KCP: variants seen among roughly 807,000 people sequenced by gnomAD.
KCP encodes the protein kielin cysteine rich BMP regulator, also known as kielin/chordin-like protein.
KCP carries 194 observed loss-of-function variants against 212.7 expected under a neutral mutation model. The ratio of observed to expected loss-of-function variants is 0.91; its 90% CI spans 0.81 to 1.03. KCP has a LOEUF of 1.03. Among genes scored for constraint, KCP ranks in the 50% least tolerant of loss-of-function variants. The pLI is 0.00. For missense variants in KCP, 2,080 were observed against 2,162.5 expected (o/e 0.96, Z 0.76); for synonymous variants, 833 against 865.3 (o/e 0.96, Z 0.65).
At chr7:128,878,513 G>T in intron 38 of KCP, 45 bp downstream of exon 38, 1 of 1,516,750 alleles carries the variant, frequency 6.6e-7, no homozygotes, top group Non-Finnish European at 8.9e-7. Context: ...CTCATGCTCA[G>T]CTGCGTCTCC....
In KCP at chr7:128,891,265, T is replaced by G; in HGVS notation, c.1892A>C (p.Gln631Pro). ...CGGCACGCAGCGGCGGGCCAGGCAC[T>G]GCACGTTGCCGCTCTACGGACCGAC... The part of the protein sequence containing the change: ...RLCRCLSGNV[Q>P]CLARRCVPLP... The change falls in exon 19 of 40, where the codon CAG becomes CCG. Residue 631 changes from glutamine to proline, a missense_variant. Coordinates refer to ENST00000610776, the MANE Select transcript of KCP (RefSeq NM_001366122.1). 1 of 1,547,252 alleles carries G rather than the reference T, an allele frequency of 6.5e-7. No homozygotes were observed. Among genetic ancestry groups the G allele is most frequent in the Non-Finnish European group, 8.7e-7 (1 of 1,146,682 alleles).
rs1415816255 is a variant in KCP, at chr7:128,893,999, G to A, written c.982C>T (p.Pro328Ser). Reference sequence around the variant, plus strand: ...ACAGCACAGCGGCAGTGCGAGCAGGGGTCCCCTGAGCCCACAGGCTCCCCG... The same window carrying A: ...ACAGCACAGCGGCAGTGCGAGCAGGAGTCCCCTGAGCCCACAGGCTCCCCG... ...RSGEPVGSGDPCSHCRCANGS... is the reference protein window; with the variant it reads ...RSGEPVGSGDSCSHCRCANGS... Residue 328 changes from proline (P) to serine (S), a missense_variant, in exon 10 of 40, where the codon CCC becomes TCC. By Grantham distance (74) the Pro-to-Ser change is moderately conservative. Coordinates refer to ENST00000610776, the MANE Select transcript of KCP (RefSeq NM_001366122.1). 6.5e-7 allele frequency: 1 copy of A among 1,550,088 alleles called. No individual in the cohort carries two copies. Among genetic ancestry groups the A allele is most frequent in the African/African-American group, 1.4e-5 (1 of 73,042 alleles).
In KCP at chr7:128,902,857, A is replaced by G. The variant is rs1298913923; in HGVS notation, c.751T>C (p.Cys251Arg). The G allele has an allele frequency of 1.9e-6, 3 of 1,551,224 alleles. No individual in the cohort carries two copies. The highest frequency in any genetic ancestry group is 4.9e-5 in the East Asian group (2 of 40,918). The change falls in exon 8 of 40, where the codon TGC becomes CGC. Residue 251 changes from cysteine (C) to arginine (R), a missense_variant and splice_region_variant. By Grantham distance (180) the Cys-to-Arg change is radical (BLOSUM62 -3). Transcript: ENST00000610776. ...PGHCCPTCQG[C>R]TEGGSHWEHG... ...TCCCAGTGAGAGCCACCTTCTGTGC[A>G]GCCTAGGGTTGAGGGGTTGAGAAGA...
chr7:128,888,763 G>C (rs1335413920), intron 22 of KCP, 100 bp downstream of exon 22: 1 of 1,138,998 alleles, frequency 8.8e-7, no homozygotes, highest in Non-Finnish European at 1.2e-6. Flanking sequence ...AAGTATGGTG[G>C]AGCGGCAGGC....
chr7:128,890,528 A>C lies in KCP; in HGVS notation c.2165-15T>G. On this transcript the variant is annotated splice_polypyrimidine_tract_variant and intron_variant, in intron 20 of 39. Transcript: ENST00000610776. The stretch of plus-strand genomic sequence containing the variant: ...GTACAGGCAGCCTGGGGAGAAGGGC[A>C]GGGGCTGGGGGGCCGTGGGGACTAG... 1 of 1,458,710 alleles carries C rather than the reference A, an allele frequency of 6.9e-7. No individual in the cohort carries two copies. The highest frequency in any genetic ancestry group is 9.1e-7 in the Non-Finnish European group (1 of 1,093,712). The allele number at this position is 1,458,710 out of a possible 1,614,324, so 90.4% of individuals were successfully genotyped here.
chr7:128,888,265 GAC>G (rs1793835243), intron 22 of KCP, among the ~76,000 whole-genome samples: 2 of 131,048 alleles, frequency 1.5e-5, no homozygotes, highest in African/African-American at 5.9e-5. Flanking sequence ...CACGTACACA[GAC>G]ACACATACAC....
chr7:128,897,821 A>G (rs1167875930), intron 8 of KCP, among the ~76,000 whole-genome samples: 1 of 152,198 alleles, frequency 6.6e-6, no homozygotes, highest in Non-Finnish European at 1.5e-5. Flanking sequence ...AAGGTTATAA[A>G]GCAAAGAGAT....
Position 128,886,713 on chromosome 7 carries a change from T to C in KCP, c.2714A>G (p.His905Arg). 1 of 1,551,552 alleles carries C rather than the reference T, an allele frequency of 6.4e-7. No homozygotes were observed. The highest frequency in any genetic ancestry group is 8.7e-7 in the Non-Finnish European group (1 of 1,146,910). ...CHSCLSQGRE[H>R]QDGEEFEGPA... is the part of the protein sequence containing the mutation. ...TCCCTCAAACTCCTCCCCATCCTGG[T>C]GCTCCCGGCCCTGAGAGAGACAGCC... Residue 905 changes from histidine (H) to arginine (R), a missense_variant, in exon 25 of 40, where the codon CAC (histidine) becomes CGC (arginine). Coordinates refer to ENST00000610776, the MANE Select transcript of KCP (RefSeq NM_001366122.1).
rs1188362568 is a variant in KCP, at chr7:128,894,069, G to A, written c.926-14C>T. The A allele has an allele frequency of 1.3e-6, 2 of 1,547,426 alleles. No individual in the cohort carries two copies. Among genetic ancestry groups the A allele is most frequent in the South Asian group, 2.4e-5 (2 of 83,824 alleles). On this transcript the variant is annotated splice_polypyrimidine_tract_variant and intron_variant, in intron 9 of 39. Transcript: ENST00000610776. ...TTAGGAAACAGCCTGTTGGGAAGGG[G>A]GGCCTTAGATGTTCCTCAGGGGCCC...
intron 21 of KCP, chr7:128,890,064 A>G: frequency 2.1e-6 from 1 of 465,560 alleles, no homozygotes; most frequent in Non-Finnish European, 3.9e-6. Flanking sequence ...ATGGAACTAC[A>G]AGAGGCACCA....
intron 2 of KCP, among the ~76,000 whole-genome samples, 175 bp downstream of exon 2, chr7:128,908,251 G>GGAAGAAAGAAAGAGAAAGAAAGA (rs1554420450): frequency 4.0e-5 from 4 of 101,212 alleles, no homozygotes; most frequent in African/African-American, 1.2e-4. Context: ...AAGAAAGAAA[G>GGAAGAAAGAAAGAGAAAGAAAGA]AAGAAAGAAA....
chr7:128,877,579 G>A lies in KCP; in HGVS notation c.4523C>T (p.Ser1508Phe). The change falls in exon 39 of 40, where the codon TCC becomes TTC. Residue 1508 changes from serine (S) to phenylalanine (F), a missense_variant. Ser to Phe is a radical substitution (Grantham distance 155). Coordinates refer to ENST00000610776, the MANE Select transcript of KCP (RefSeq NM_001366122.1). Reference protein sequence around the residue: ...YDLCACGPGSSADACLCDALE... With the variant: ...YDLCACGPGSFADACLCDALE... ...GGCATCACAGAGGCAGGCATCAGCG[G>A]AGGAGCCAGGGCCACAGGCACACAG... 2 of 1,551,614 alleles carry A rather than the reference G, an allele frequency of 1.3e-6. No individual in the cohort carries two copies. Among genetic ancestry groups the A allele is most frequent in the Non-Finnish European group, 1.7e-6 (2 of 1,146,994 alleles).
intron 17 of KCP, 32 bp from the exon 18 acceptor site, chr7:128,891,565 G>C (rs1309222413): frequency 1.3e-6 from 2 of 1,540,966 alleles, no homozygotes; most frequent in Non-Finnish European, 1.8e-6. Context: ...GCCTGGGAGA[G>C]GGCGACTGCC....
At chr7:128,882,235 C>T (rs1048997645) in intron 29 of KCP, among the ~76,000 whole-genome samples, 1 of 152,124 alleles carries the variant, frequency 6.6e-6, no homozygotes, top group Non-Finnish European at 1.5e-5. Flanking sequence ...TATTTGGGGC[C>T]GGGTGGGGGT....
Position 128,876,878 on chromosome 7 carries a change from A to T in KCP, c.*165T>A. The stretch of plus-strand genomic sequence containing the variant: ...CACAAGGAAGCCTTCGGGCAGGCCT[A>T]GAGTTTACTGCTGGTGACTCAACAT... On this transcript the variant is annotated 3_prime_UTR_variant, in exon 40 of 40. Transcript: ENST00000610776. The T allele has an allele frequency of 1.4e-6, 1 of 740,670 alleles. No individual in the cohort carries two copies. The highest frequency in any genetic ancestry group is 2.1e-6 in the Non-Finnish European group (1 of 485,094). 45.9% of individuals were successfully genotyped at this position (740,670 alleles called of 1,614,324 possible).
intron 8 of KCP, among the ~76,000 whole-genome samples, chr7:128,901,737 TC>T (rs1448476345): frequency 6.6e-6 from 1 of 152,234 alleles, no homozygotes; most frequent in African/African-American, 2.4e-5. Context: ...GGGACCCCTT[TC>T]CTGTAACAAT....
intron 20 of KCP, 57 bp from the exon 21 acceptor site, chr7:128,890,570 G>C: frequency 1.4e-6 from 2 of 1,474,446 alleles, no homozygotes; most frequent in African/African-American, 2.8e-5. Context: ...GTGGGGACTT[G>C]GTGGTCGTGG....
intron 4 of KCP, 61 bp from the exon 5 acceptor site, chr7:128,906,424 G>A: frequency 8.2e-7 from 1 of 1,218,084 alleles, no homozygotes; most frequent in Non-Finnish European, 1.2e-6. Flanking sequence ...AGGGCCTCTG[G>A]AAGTAAAACC....
chr7:128,909,181 G>A (rs1795303941), intron 1 of KCP, among the ~76,000 whole-genome samples: 1 of 152,190 alleles, frequency 6.6e-6, no homozygotes, highest in South Asian at 2.1e-4. Flanking sequence ...TTTTCACTTT[G>A]ATCCTTCTCC....
Sources: gnomAD v4.1 joint callset for allele counts (sites outside exome capture counted in the v4.1 genomes callset) on GRCh38, gnomAD v4.1.1 for gene constraint, MANE v1.5 for transcripts, NCBI Gene and HGNC (gene_info 2026-07-23, HGNC 2026-07-21) for gene names.